Variants in PARD3B observed in about 807,000 individuals in gnomAD.
PARD3B encodes par-3 family cell polarity regulator beta, also known as partitioning defective 3 homolog B.
PARD3B carries 103 observed loss-of-function variants against 130.2 expected under a neutral mutation model. The ratio of observed to expected loss-of-function variants is 0.79; its 90% CI spans 0.67 to 0.93. The LOEUF (loss-of-function observed/expected upper bound fraction) is 0.93. Ranked by LOEUF, PARD3B falls within the 40% of genes least tolerant of loss-of-function variation. The pLI is 0.00. For synonymous variants in PARD3B, 583 were observed against 553.2 expected (o/e 1.05, Z -0.76); for missense variants, 1,609 against 1,499.2 (o/e 1.07, Z -1.21).
chr2:204,628,845 A>G (rs370540659), intron 1 of PARD3B, among the ~76,000 whole-genome samples: 20 of 152,320 alleles, frequency 1.3e-4, no homozygotes, highest in African/African-American at 4.3e-4. Context: ...AGACAAATTT[A>G]TGTGGAGAAG....
intron 3 of PARD3B, among the ~76,000 whole-genome samples, chr2:205,030,101 G>A (rs992328390): frequency 6.6e-6 from 1 of 152,126 alleles, no homozygotes; most frequent in Admixed American, 6.6e-5. Flanking sequence ...CTGTGGTATA[G>A]AATGCTGATC....
intron 2 of PARD3B, among the ~76,000 whole-genome samples, chr2:204,886,655 A>G (rs190635928): frequency 2.3e-3 from 355 of 152,272 alleles, no homozygotes; most frequent in South Asian, 0.016. Flanking sequence ...AATATTTGAG[A>G]TCGATGTCTG....
At chr2:204,820,229 C>T (rs897503645) in intron 2 of PARD3B, among the ~76,000 whole-genome samples, 2 of 151,784 alleles carry the variant, frequency 1.3e-5, no homozygotes, top group African/African-American at 4.8e-5. Context: ...GCGTACACCA[C>T]CATGCCCAAT....
At chr2:205,081,752 T>C (rs1701423436) in intron 4 of PARD3B, among the ~76,000 whole-genome samples, 1 of 152,122 alleles carries the variant, frequency 6.6e-6, no homozygotes, top group African/African-American at 2.4e-5. Context: ...GATAATATTA[T>C]CTTTTGTATA....
chr2:205,114,177 A>C (rs1021554956), intron 6 of PARD3B, among the ~76,000 whole-genome samples: 6 of 152,110 alleles, frequency 3.9e-5, no homozygotes, highest in African/African-American at 1.4e-4. Flanking sequence ...CACTGGTAAA[A>C]ATGGCATTGT....
intron 7 of PARD3B, among the ~76,000 whole-genome samples, chr2:205,120,802 C>T (rs6723545): frequency 0.019 from 2,962 of 152,266 alleles, 102 homozygotes; most frequent in African/African-American, 0.067. Context: ...TCTACTGAAC[C>T]AGCCGCTTCT....
chr2:205,120,895 G>A (rs868063503), intron 7 of PARD3B, among the ~76,000 whole-genome samples: 3 of 152,226 alleles, frequency 2.0e-5, no homozygotes, highest in African/African-American at 4.8e-5. Flanking sequence ...TGGGCACAGG[G>A]CATCTAGAGG....
intron 1 of PARD3B, among the ~76,000 whole-genome samples, chr2:204,684,034 C>T (rs907494596): frequency 3.0e-4 from 46 of 152,070 alleles, no homozygotes; most frequent in African/African-American, 1.1e-3. Flanking sequence ...GTTTGATATT[C>T]CCTTTGCCAC....
intron 2 of PARD3B, among the ~76,000 whole-genome samples, chr2:204,891,838 G>A (rs1559233794): frequency 1.3e-5 from 2 of 152,110 alleles, no homozygotes; most frequent in Non-Finnish European, 2.9e-5. Context: ...CTAGAGCTTT[G>A]TGCTCCTGTT....
rs1203246337 is a variant in PARD3B, at chr2:205,550,407, A to C, written c.3181-2917A>C. Among the ~76,000 whole-genome samples the C allele has an allele frequency of 6.6e-6, 1 of 152,226 alleles. No homozygotes were observed. The highest frequency in any genetic ancestry group is 1.5e-5 in the Non-Finnish European group (1 of 68,040). On this transcript the variant is annotated intron_variant, in intron 21 of 22. Coordinates refer to ENST00000406610, the MANE Select transcript of PARD3B (RefSeq NM_001302769.2). This position sits in a 1 kb window ranked among gnomAD's most constrained non-coding sequence, Gnocchi z 4.5. The stretch of plus-strand genomic sequence containing the variant: ...TGCTTTGAATACAGTGAATGACTGC[A>C]TTAATGATGTTGCAGTATCAATGGA...
In PARD3B at chr2:205,125,201, G is replaced by A. The variant is rs1484739965; in HGVS notation, c.1306-408G>A. On this transcript the variant is annotated intron_variant, in intron 9 of 22. Transcript: ENST00000406610. The surrounding 1 kb of genome is among the most constrained non-coding windows in gnomAD (Gnocchi z 4.0). Reference sequence around the variant, plus strand: ...AATTTTCTAAATATGTTTAAAACCTGCAGGATTCTATTGCTAGGTTCGTAT... The same window carrying A: ...AATTTTCTAAATATGTTTAAAACCTACAGGATTCTATTGCTAGGTTCGTAT... Among the ~76,000 whole-genome samples, 3 of 152,152 alleles carry A rather than the reference G, an allele frequency of 2.0e-5. No homozygotes were observed. The highest frequency in any genetic ancestry group is 4.4e-5 in the Non-Finnish European group (3 of 68,040).
At chr2:205,272,223 A>G (rs528551662) in intron 16 of PARD3B, among the ~76,000 whole-genome samples, 2 of 151,790 alleles carry the variant, frequency 1.3e-5, no homozygotes, top group Non-Finnish European at 2.9e-5. Context: ...AACAAGATTG[A>G]TACCAATAAA....
intron 2 of PARD3B, among the ~76,000 whole-genome samples, chr2:204,714,663 C>T (rs533955015): frequency 1.3e-5 from 2 of 152,236 alleles, no homozygotes; most frequent in East Asian, 3.9e-4. Context: ...ATAAGTACTC[C>T]AGATTATTTG....
chr2:205,408,548 T>G (rs1450835817), intron 19 of PARD3B, among the ~76,000 whole-genome samples: 1 of 152,166 alleles, frequency 6.6e-6, no homozygotes, highest in Non-Finnish European at 1.5e-5. Flanking sequence ...TTGGTTGTAA[T>G]CTACACACAT....
chr2:204,979,023 G>A (rs1381617432), intron 3 of PARD3B, among the ~76,000 whole-genome samples: 1 of 148,618 alleles, frequency 6.7e-6, no homozygotes, highest in East Asian at 2.0e-4. Flanking sequence ...GGTGGAGTTA[G>A]ATGGATAAAA....
chr2:205,113,339 A>C (rs1032563654), intron 5 of PARD3B, 152 bp from the exon 6 acceptor site: 2 of 471,816 alleles, frequency 4.2e-6, no homozygotes, highest in East Asian at 6.6e-5. Context: ...ATACCAATAA[A>C]TTATGTACTC....
chr2:204,623,092 A>G lies in PARD3B; in HGVS notation c.121-63089A>G, dbSNP rs1000917553. The stretch of plus-strand genomic sequence containing the variant: ...AGATTAGTGAGCATTCTTTTTGTGT[A>G]ATAGTAGTTTTTGGCTGTATCCTTA... On this transcript the variant is annotated intron_variant, in intron 1 of 22. Transcript: ENST00000406610. The surrounding 1 kb of genome is among the most constrained non-coding windows in gnomAD (Gnocchi z 4.5). Among the ~76,000 whole-genome samples, 2 of 152,110 alleles carry G rather than the reference A, an allele frequency of 1.3e-5. No homozygotes were observed. Among genetic ancestry groups the G allele is most frequent in the African/African-American group, 4.8e-5 (2 of 41,438 alleles).
chr2:204,981,280 A>G (rs1164322784), intron 3 of PARD3B, among the ~76,000 whole-genome samples: 1 of 152,198 alleles, frequency 6.6e-6, no homozygotes, highest in African/African-American at 2.4e-5. Flanking sequence ...ATAGAACAGC[A>G]TCCCTATTCA....
intron 4 of PARD3B, among the ~76,000 whole-genome samples, chr2:205,085,360 A>G (rs1701680733): frequency 6.6e-6 from 1 of 151,862 alleles, no homozygotes; most frequent in African/African-American, 2.4e-5. Context: ...TTCAGTGATC[A>G]CTGGTTTTAT....
Sources: allele counts gnomAD v4.1 joint callset (sites outside exome capture counted in the v4.1 genomes callset), GRCh38; gene constraint gnomAD v4.1.1; non-coding constraint Gnocchi (gnomAD v3.1); transcripts MANE v1.5; gene names NCBI Gene and HGNC (gene_info 2026-07-23, HGNC 2026-07-21).